The following SLMAP variants were observed in gnomAD, a reference collection of about 807,000 sequenced individuals.
SLMAP encodes the protein sarcolemmal membrane-associated protein.
Under a neutral mutation model 128.8 loss-of-function variants are expected in SLMAP, and 44 were observed. That is an observed-to-expected ratio of 0.34 (90% CI 0.27 to 0.44). The LOEUF (loss-of-function observed/expected upper bound fraction) is 0.44, where lower values mean the gene tolerates loss of function less well. Ranked by LOEUF, SLMAP falls within the 20% of genes least tolerant of loss-of-function variation. The pLI, the probability that SLMAP is intolerant of heterozygous loss-of-function variation, is 1.00. For missense variants in SLMAP, 787 were observed against 985.3 expected (o/e 0.80, Z 2.69); for synonymous variants, 327 against 348.8 (o/e 0.94, Z 0.70).
intron 6 of SLMAP, among the ~76,000 whole-genome samples, chr3:57,851,815 T>C (rs1204489171): frequency 1.3e-5 from 2 of 151,898 alleles, no homozygotes; most frequent in African/African-American, 4.8e-5. Context: ...GTTCTGCTAC[T>C]CAACCCACTT....
At chr3:57,839,987 C>A (rs747281165) in intron 3 of SLMAP, among the ~76,000 whole-genome samples, 2 of 152,122 alleles carry the variant, frequency 1.3e-5, no homozygotes, top group African/African-American at 4.8e-5. Context: ...TGTGCCCAGC[C>A]TAAGTTTTAT....
chr3:57,888,361 A>G (rs2095960889), intron 14 of SLMAP, among the ~76,000 whole-genome samples: 1 of 152,202 alleles, frequency 6.6e-6, no homozygotes, highest in African/African-American at 2.4e-5. Context: ...GCAGTGGCTC[A>G]TGCCTGTAAT....
chr3:57,911,393 T>G (rs1397122684), intron 19 of SLMAP, among the ~76,000 whole-genome samples: 6 of 152,244 alleles, frequency 3.9e-5, no homozygotes, highest in African/African-American at 1.4e-4. Context: ...TATTTTCCTT[T>G]GGAACTTTTT....
intron 2 of SLMAP, among the ~76,000 whole-genome samples, chr3:57,768,228 C>T (rs963684403): frequency 3.3e-5 from 5 of 152,052 alleles, no homozygotes; most frequent in Non-Finnish European, 5.9e-5. Flanking sequence ...GTCAAGTATA[C>T]AATTTGGGTT....
chr3:57,896,374 A>G (rs2096244185), intron 15 of SLMAP, 137 bp from the exon 16 acceptor site: 11 of 1,393,538 alleles, frequency 7.9e-6, no homozygotes, highest in Middle Eastern at 2.7e-4. Context: ...GTGAAGAAGT[A>G]AGAGATTCAG....
chr3:57,801,882 A>G (rs2088521507), intron 2 of SLMAP, among the ~76,000 whole-genome samples: 1 of 152,068 alleles, frequency 6.6e-6, no homozygotes, highest in Non-Finnish European at 1.5e-5. Context: ...AGTTTCTTTT[A>G]TGGTACTCTT....
At chr3:57,831,029 A>G (rs975818445) in intron 2 of SLMAP, among the ~76,000 whole-genome samples, 2 of 152,162 alleles carry the variant, frequency 1.3e-5, no homozygotes, top group African/African-American at 4.8e-5. Context: ...AATAATGCCA[A>G]CATTTGTGTA....
chr3:57,766,131 T>G (rs28606385), intron 2 of SLMAP, among the ~76,000 whole-genome samples: 1 of 145,516 alleles, frequency 6.9e-6, no homozygotes, highest in Non-Finnish European at 1.5e-5. Flanking sequence ...CCTGAGTAGC[T>G]GGGACTACAG....
chr3:57,871,525 A>G (rs749523572), intron 13 of SLMAP, 111 bp from the exon 14 acceptor site: 1 of 731,316 alleles, frequency 1.4e-6, no homozygotes, highest in Non-Finnish European at 2.4e-6. Context: ...TTAAGCCTTT[A>G]TTAGTCTTAC....
intron 13 of SLMAP, among the ~76,000 whole-genome samples, chr3:57,867,156 G>T (rs1030995853): frequency 5.3e-5 from 8 of 152,274 alleles, no homozygotes; most frequent in Middle Eastern, 6.8e-3. Context: ...CCCAACCTGG[G>T]CAACAGAGTG....
In SLMAP at chr3:57,790,788, G is replaced by A. The variant is rs562211204; in HGVS notation, c.198+32939G>A. On this transcript the variant is annotated intron_variant, in intron 2 of 24. Coordinates refer to ENST00000671191, the MANE Select transcript of SLMAP (RefSeq NM_001377540.1). ...AAACTAGGTAGCTAGAAATTAAGTCGTTATTTTTAAGTAGAAGATAAGTTA... is the reference window on the plus strand; with the variant it reads ...AAACTAGGTAGCTAGAAATTAAGTCATTATTTTTAAGTAGAAGATAAGTTA... 5.0e-4 allele frequency among the ~76,000 whole-genome samples: 76 copies of A among 152,208 alleles called. 1 individual carries two copies. In the South Asian group the frequency reaches 0.01, roughly 21 times the overall value.
intron 14 of SLMAP, among the ~76,000 whole-genome samples, chr3:57,872,019 A>G (rs761123651): frequency 6.6e-6 from 1 of 152,190 alleles, no homozygotes; most frequent in Non-Finnish European, 1.5e-5. Flanking sequence ...TAGTTTGGGC[A>G]CTCCATTCTG....
At chr3:57,873,604 A>T (rs923790820) in intron 14 of SLMAP, among the ~76,000 whole-genome samples, 1 of 152,220 alleles carries the variant, frequency 6.6e-6, no homozygotes, top group Non-Finnish European at 1.5e-5. Context: ...TCTCATTTTC[A>T]TGGGAAATTG....
intron 2 of SLMAP, among the ~76,000 whole-genome samples, chr3:57,775,671 C>T (rs1051227724): frequency 1.3e-5 from 2 of 151,868 alleles, no homozygotes; most frequent in Non-Finnish European, 2.9e-5. Flanking sequence ...GCCTGGGAGA[C>T]AGAACAAGAC....
At chr3:57,780,641 C>G (rs1559959902) in intron 2 of SLMAP, among the ~76,000 whole-genome samples, 1 of 151,716 alleles carries the variant, frequency 6.6e-6, no homozygotes, top group Admixed American at 6.6e-5. Flanking sequence ...GGTATTTCAA[C>G]TTAAATAATT....
chr3:57,886,643 A>G (rs1223699732), intron 14 of SLMAP, among the ~76,000 whole-genome samples: 3 of 151,432 alleles, frequency 2.0e-5, no homozygotes, highest in Admixed American at 6.6e-5. Context: ...GAGATCTAAT[A>G]TATTAATAAT....
At chr3:57,850,578 C>T (rs2094463856) in intron 6 of SLMAP, among the ~76,000 whole-genome samples, 2 of 152,008 alleles carry the variant, frequency 1.3e-5, no homozygotes, top group African/African-American at 2.4e-5. Context: ...GCCGCCATGC[C>T]GAGCCCCAAA....
chr3:57,762,714 T>G (rs932947880), intron 2 of SLMAP, among the ~76,000 whole-genome samples: 6 of 144,904 alleles, frequency 4.1e-5, no homozygotes, highest in Non-Finnish European at 9.1e-5. Flanking sequence ...AGAATGGTTT[T>G]TTTTTTTTTT....
chr3:57,765,599 A>G lies in SLMAP; in HGVS notation c.198+7750A>G, dbSNP rs544428823. ...ACATGACCACAAAGATCCTAGCCTCAGCTTTTGGGAGAATGGCAGGTCATA... is the reference window on the plus strand; with the variant it reads ...ACATGACCACAAAGATCCTAGCCTCGGCTTTTGGGAGAATGGCAGGTCATA... On this transcript the variant is annotated intron_variant, in intron 2 of 24. Coordinates refer to ENST00000671191, the MANE Select transcript of SLMAP (RefSeq NM_001377540.1). Among the ~76,000 whole-genome samples the G allele has an allele frequency of 7.2e-5, 11 of 152,300 alleles. No homozygotes were observed. In the East Asian group the frequency reaches 1.9e-3, roughly 27 times the overall value.
Sources: allele counts gnomAD v4.1 joint callset (sites outside exome capture counted in the v4.1 genomes callset), GRCh38; gene constraint gnomAD v4.1.1; transcripts MANE v1.5; gene names NCBI Gene and HGNC (gene_info 2026-07-23, HGNC 2026-07-21).